PLA2G4A: variants seen among roughly 807,000 people sequenced by gnomAD.
PLA2G4A encodes cytosolic phospholipase A2.
PLA2G4A carries 40 observed loss-of-function variants against 81.9 expected under a neutral mutation model. That is an observed-to-expected ratio of 0.49 (90% CI 0.38 to 0.64). PLA2G4A has a LOEUF of 0.64. Ranked by LOEUF, PLA2G4A falls within the 30% of genes least tolerant of loss-of-function variation. The pLI is 0.00. For missense variants in PLA2G4A, 715 were observed against 905.1 expected (o/e 0.79, Z 2.69); for synonymous variants, 302 against 296.9 (o/e 1.02, Z -0.18).
intron 3 of PLA2G4A, among the ~76,000 whole-genome samples, chr1:186,872,922 G>C (rs77302974): frequency 0.014 from 2,167 of 152,184 alleles, 22 homozygotes; most frequent in Non-Finnish European, 0.023. Flanking sequence ...GGCCACTGAA[G>C]ATTAATTGCT....
chr1:186,919,142 A>C (rs1025997499), intron 7 of PLA2G4A, among the ~76,000 whole-genome samples: 13 of 152,222 alleles, frequency 8.5e-5, no homozygotes, highest in African/African-American at 3.1e-4. Context: ...TTAACTTACA[A>C]AAGGCTTGCT....
intron 15 of PLA2G4A, among the ~76,000 whole-genome samples, chr1:186,975,183 A>G (rs935499288): frequency 6.6e-6 from 1 of 152,248 alleles, no homozygotes; most frequent in Admixed American, 6.5e-5. Context: ...AAGCTGATTA[A>G]TTTAGCTGAA....
At chr1:186,845,995 T>C (rs1652159905) in intron 1 of PLA2G4A, among the ~76,000 whole-genome samples, 1 of 152,224 alleles carries the variant, frequency 6.6e-6, no homozygotes, top group African/African-American at 2.4e-5. Context: ...CTTTGTACAC[T>C]CACTAAGACT....
intron 7 of PLA2G4A, among the ~76,000 whole-genome samples, chr1:186,930,404 A>T (rs527301353): frequency 6.6e-6 from 1 of 152,324 alleles, no homozygotes; most frequent in African/African-American, 2.4e-5. Flanking sequence ...AGAAAATTCC[A>T]AGCAACATAC....
At chr1:186,963,283 G>A (rs1346490672) in intron 14 of PLA2G4A, among the ~76,000 whole-genome samples, 2 of 152,080 alleles carry the variant, frequency 1.3e-5, no homozygotes, top group African/African-American at 2.4e-5. Context: ...AATTTCAGAG[G>A]AATAAATATT....
intron 5 of PLA2G4A, among the ~76,000 whole-genome samples, chr1:186,897,914 T>C (rs996572989): frequency 6.6e-6 from 1 of 152,214 alleles, no homozygotes; most frequent in Admixed American, 6.5e-5. Context: ...GTCATCCAAG[T>C]AGTGAACATG....
At chr1:186,954,872 G>A (rs1656692483) in intron 13 of PLA2G4A, among the ~76,000 whole-genome samples, 1 of 152,190 alleles carries the variant, frequency 6.6e-6, no homozygotes, top group South Asian at 2.1e-4. Context: ...TTCTGCTGCT[G>A]CTGCTACAAC....
intron 16 of PLA2G4A, among the ~76,000 whole-genome samples, chr1:186,978,526 G>A (rs1314202733): frequency 6.6e-6 from 1 of 152,172 alleles, no homozygotes; most frequent in African/African-American, 2.4e-5. Context: ...AGAATTGATA[G>A]GAGTGAAGAT....
intron 7 of PLA2G4A, among the ~76,000 whole-genome samples, chr1:186,913,570 T>C (rs1003214225): frequency 6.6e-6 from 1 of 152,154 alleles, no homozygotes; most frequent in African/African-American, 2.4e-5. Context: ...ATTATTTACT[T>C]ATTTATTTAG....
intron 2 of PLA2G4A, among the ~76,000 whole-genome samples, chr1:186,867,315 G>A (rs1653068677): frequency 6.6e-6 from 1 of 151,954 alleles, no homozygotes; most frequent in Non-Finnish European, 1.5e-5. Context: ...TTACATTATT[G>A]AGTCTTCCCA....
chr1:186,903,946 T>C (rs1654640171), intron 5 of PLA2G4A, among the ~76,000 whole-genome samples: 1 of 152,222 alleles, frequency 6.6e-6, no homozygotes, highest in African/African-American at 2.4e-5. Context: ...GACTGCTGTT[T>C]TAAAGCACTT....
chr1:186,834,726 C>G (rs1023400065), intron 1 of PLA2G4A, among the ~76,000 whole-genome samples: 1 of 151,974 alleles, frequency 6.6e-6, no homozygotes, highest in African/African-American at 2.4e-5. Context: ...ACAAAATAAA[C>G]ACATTTCATG....
chr1:186,969,568 C>G (rs1432552497), intron 15 of PLA2G4A, among the ~76,000 whole-genome samples: 1 of 151,822 alleles, frequency 6.6e-6, no homozygotes, highest in Admixed American at 6.6e-5. Context: ...TTCCACTAGC[C>G]TTCCCAGCAG....
At chr1:186,928,392 T>A (rs1056033107) in intron 7 of PLA2G4A, among the ~76,000 whole-genome samples, 2 of 152,172 alleles carry the variant, frequency 1.3e-5, no homozygotes, top group African/African-American at 4.8e-5. Flanking sequence ...ACTATTATAA[T>A]GTGGGTGGGC....
At chr1:186,919,041 A>G (rs1571400766) in intron 7 of PLA2G4A, among the ~76,000 whole-genome samples, 3 of 152,222 alleles carry the variant, frequency 2.0e-5, no homozygotes, top group South Asian at 2.1e-4. Context: ...TAAAACTCCA[A>G]CTGCCATTTT....
chr1:186,956,058 C>G, intron 13 of PLA2G4A, 44 bp from the exon 14 acceptor site: 1 of 1,584,102 alleles, frequency 6.3e-7, no homozygotes, highest in Non-Finnish European at 8.7e-7. Flanking sequence ...CCTTTTTAAA[C>G]ATGTATTTTG....
At position 186,870,432 on chromosome 1, in the gene PLA2G4A, C is replaced by T; in HGVS notation, c.34-3C>T. ...TTTAAATTTACTGTCATTTTATTTC[C>T]AGGTGGAGCACCAGTATTCCCACAA... On this transcript the variant is annotated splice_region_variant and splice_polypyrimidine_tract_variant and intron_variant, in intron 2 of 17. Coordinates refer to ENST00000367466, the MANE Select transcript of PLA2G4A (RefSeq NM_024420.3). 1.9e-6 allele frequency: 3 copies of T among 1,561,166 alleles called. No homozygotes were observed. The highest frequency in any genetic ancestry group is 8.8e-7 in the Non-Finnish European group (1 of 1,131,868).
At position 186,830,608 on chromosome 1, in the gene PLA2G4A, C is replaced by CAAAAAAAAAAAAAAAA. The variant is rs55745208; in HGVS notation, c.-70+1582_-70+1597dup. Reference sequence around the variant, plus strand: ...GAGCGAAAACAGCGAAGCTCTGTCTCAAAAAAAAAAAAAAAAAAAAAAAAG... The same window carrying CAAAAAAAAAAAAAAAA: ...GAGCGAAAACAGCGAAGCTCTGTCTCAAAAAAAAAAAAAAAAAAAAAAAAAAAAAAAAAAAAAAAAG... On this transcript the variant is annotated intron_variant, in intron 1 of 17. Coordinates refer to ENST00000367466, the MANE Select transcript of PLA2G4A (RefSeq NM_024420.3). Among the ~76,000 whole-genome samples the CAAAAAAAAAAAAAAAA allele has an allele frequency of 5.5e-4, 40 of 72,682 alleles. 1 individual carries two copies. Among genetic ancestry groups the CAAAAAAAAAAAAAAAA allele is most frequent in the African/African-American group, 1.8e-3 (34 of 18,594 alleles). The allele number at this position is 72,682 out of a possible 152,430, so 47.7% of individuals were successfully genotyped here. A position where few individuals can be genotyped will look rare whatever the true frequency, so the allele number is the denominator to read the frequency against.
At chr1:186,912,604 A>C (rs572008799) in intron 7 of PLA2G4A, among the ~76,000 whole-genome samples, 1 of 151,834 alleles carries the variant, frequency 6.6e-6, no homozygotes, top group African/African-American at 2.4e-5. Flanking sequence ...AGTAATACGA[A>C]TATAAGTTTC....
Sources: gnomAD v4.1 joint callset for allele counts (sites outside exome capture counted in the v4.1 genomes callset) on GRCh38, gnomAD v4.1.1 for gene constraint, MANE v1.5 for transcripts, NCBI Gene and HGNC (gene_info 2026-07-23, HGNC 2026-07-21) for gene names.